POC1A: variants seen among roughly 807,000 people sequenced by gnomAD.
POC1A encodes POC1 centriolar protein A.
Under a neutral mutation model 47.8 loss-of-function variants are expected in POC1A, and 34 were observed. That is an observed-to-expected ratio of 0.71 (90% CI 0.54 to 0.95). The LOEUF (loss-of-function observed/expected upper bound fraction) is 0.95. Ranked by LOEUF, POC1A falls within the 40% of genes least tolerant of loss-of-function variation. The pLI is 0.00. For synonymous variants in POC1A, 177 were observed against 207.6 expected (o/e 0.85, Z 1.27); for missense variants, 466 against 528.3 (o/e 0.88, Z 1.16).
chr3:52,107,933 C>T (rs537695844), intron 9 of POC1A, among the ~76,000 whole-genome samples: 20 of 152,282 alleles, frequency 1.3e-4, no homozygotes, highest in African/African-American at 4.8e-4. Flanking sequence ...TCCTGATGTT[C>T]CAGAATCCTA....
intron 9 of POC1A, among the ~76,000 whole-genome samples, chr3:52,116,161 A>C (rs538482839): frequency 6.6e-6 from 1 of 152,274 alleles, no homozygotes; most frequent in African/African-American, 2.4e-5. Flanking sequence ...CAGGACCCCC[A>C]GATCCAAAGC....
chr3:52,117,422 C>A (rs1703608975), intron 9 of POC1A, among the ~76,000 whole-genome samples: 1 of 152,190 alleles, frequency 6.6e-6, no homozygotes, highest in African/African-American at 2.4e-5. Flanking sequence ...TGAAATCCCA[C>A]GAAGGAGGGC....
At chr3:52,103,258 G>A (rs1187020455) in intron 9 of POC1A, among the ~76,000 whole-genome samples, 1 of 152,244 alleles carries the variant, frequency 6.6e-6, no homozygotes. Flanking sequence ...CGGGTATAAT[G>A]GCTCATGCCT....
At chr3:52,121,406 C>T (rs1703774205) in intron 9 of POC1A, among the ~76,000 whole-genome samples, 1 of 152,204 alleles carries the variant, frequency 6.6e-6, no homozygotes, top group African/African-American at 2.4e-5. Context: ...AGCCAAGAGA[C>T]CAGCCAGGAC....
At chr3:52,100,232 T>C (rs566956519) in intron 9 of POC1A, among the ~76,000 whole-genome samples, 15 of 152,304 alleles carry the variant, frequency 9.8e-5, no homozygotes, top group African/African-American at 3.6e-4. Flanking sequence ...AACCAAACCA[T>C]AACATTTCAT....
chr3:52,097,808 C>T (rs1427478183), intron 9 of POC1A, among the ~76,000 whole-genome samples: 1 of 152,250 alleles, frequency 6.6e-6, no homozygotes, highest in Admixed American at 6.5e-5. Flanking sequence ...ACACACCTAT[C>T]ATCAGCATGT....
intron 1 of POC1A, 102 bp downstream of exon 1, chr3:52,154,253 T>C (rs1048755473): frequency 3.8e-6 from 5 of 1,304,194 alleles, no homozygotes; most frequent in East Asian, 2.7e-5. Context: ...CCCTGGAACC[T>C]GGCGCCCCGC....
intron 9 of POC1A, among the ~76,000 whole-genome samples, chr3:52,117,683 T>C (rs868793225): frequency 4.6e-5 from 7 of 151,852 alleles, no homozygotes; most frequent in Admixed American, 1.3e-4. Flanking sequence ...CCCTTAGAAC[T>C]CAGAAAGTGG....
intron 4 of POC1A, among the ~76,000 whole-genome samples, chr3:52,148,266 T>C (rs1215269518): frequency 6.6e-6 from 1 of 152,222 alleles, no homozygotes; most frequent in Non-Finnish European, 1.5e-5. Flanking sequence ...TTTGCTGGCC[T>C]GGCCCCTCCT....
At chr3:52,078,031 G>C (rs902547484) in intron 10 of POC1A, among the ~76,000 whole-genome samples, 2 of 152,072 alleles carry the variant, frequency 1.3e-5, no homozygotes, top group Non-Finnish European at 2.9e-5. Context: ...GTGCCACCCC[G>C]TTGAGGCCTT....
chr3:52,139,725 A>G (rs1345842053), intron 6 of POC1A, among the ~76,000 whole-genome samples: 1 of 152,176 alleles, frequency 6.6e-6, no homozygotes, highest in African/African-American at 2.4e-5. Flanking sequence ...CCTGGCACCG[A>G]GCAGGACTCA....
rs1290308943 is a variant in POC1A at position 52,125,304 on chromosome 3, G to A, written c.814-123C>T. The A allele has an allele frequency of 3.0e-4, 232 of 763,712 alleles. 2 individuals are homozygous for A. The African/African-American group carries it at 3.7e-3, about 12-fold the overall frequency. 47.3% of individuals were successfully genotyped at this position (763,712 alleles called of 1,614,324 possible). On this transcript the variant is annotated intron_variant, in intron 7 of 10. Coordinates refer to ENST00000296484, the MANE Select transcript of POC1A (RefSeq NM_015426.5). ...GGATAAAGGACCGAGAGCCCACTCA[G>A]CCCACAGTCCTCCGTAACCTGTAGC...
At chr3:52,133,490 A>G (rs549655961) in intron 7 of POC1A, among the ~76,000 whole-genome samples, 46 of 152,280 alleles carry the variant, frequency 3.0e-4, no homozygotes, top group Non-Finnish European at 5.4e-4. Context: ...CATGTGCCAG[A>G]GAGCTACCAA....
At chr3:52,147,166 A>G in intron 4 of POC1A, 71 bp from the exon 5 acceptor site, 1 of 1,200,652 alleles carries the variant, frequency 8.3e-7, no homozygotes, top group Non-Finnish European at 1.2e-6. Context: ...CTTCTTCCAC[A>G]GCCACTCTTC....
intron 3 of POC1A, 66 bp downstream of exon 3, chr3:52,149,750 G>A (rs375085583): frequency 6.7e-7 from 1 of 1,492,482 alleles, no homozygotes; most frequent in South Asian, 1.2e-5. Context: ...TAGGGGACCT[G>A]GGTGGGGATG....
In POC1A at chr3:52,138,304, TG is replaced by T. The variant is rs1466688881; in HGVS notation, c.680-3del. On this transcript the variant is annotated splice_polypyrimidine_tract_variant and splice_region_variant and intron_variant, in intron 6 of 10. Transcript: ENST00000296484. Reference sequence around the variant, plus strand: ...GCCCGTTCACTGCTGCACTGTGCACTGGGGGAAGGACATCAGTCAGGTGCTG... The same window carrying T: ...GCCCGTTCACTGCTGCACTGTGCACTGGGGAAGGACATCAGTCAGGTGCTG... The T allele has an allele frequency of 3.1e-6, 5 of 1,609,944 alleles. No homozygotes were observed. Among genetic ancestry groups the T allele is most frequent in the Non-Finnish European group, 4.2e-6 (5 of 1,178,024 alleles).
chr3:52,078,579 C>T lies in POC1A; in HGVS notation c.1126-2594G>A, dbSNP rs1329155757. Among the ~76,000 whole-genome samples, 4 of 146,170 alleles carry T rather than the reference C, an allele frequency of 2.7e-5. No homozygotes were observed. In the East Asian group the frequency reaches 6.0e-4, roughly 22 times the overall value. On this transcript the variant is annotated intron_variant, in intron 10 of 10. Coordinates refer to ENST00000296484, the MANE Select transcript of POC1A (RefSeq NM_015426.5). ...CGGCTGAAGTGCAGTGGCGCGATCT[C>T]GGCTCACGACAAGCTCCGCCTCCCG...
intron 6 of POC1A, among the ~76,000 whole-genome samples, chr3:52,138,551 T>C (rs969840733): frequency 1.3e-5 from 2 of 152,106 alleles, no homozygotes; most frequent in African/African-American, 4.8e-5. Flanking sequence ...CAGAAACAGA[T>C]GCAAAAACCA....
chr3:52,131,187 C>T (rs1453885268), intron 7 of POC1A, among the ~76,000 whole-genome samples: 1 of 152,100 alleles, frequency 6.6e-6, no homozygotes, highest in Non-Finnish European at 1.5e-5. Context: ...GTAAGTGTGG[C>T]TCAAGATTAT....
Sources: allele counts gnomAD v4.1 joint callset (sites outside exome capture counted in the v4.1 genomes callset), GRCh38; gene constraint gnomAD v4.1.1; transcripts MANE v1.5; gene names NCBI Gene and HGNC (gene_info 2026-07-23, HGNC 2026-07-21).